Variants in ZNF398 observed in about 807,000 individuals in gnomAD.
ZNF398 encodes zinc finger DNA binding protein ZER6.
ZNF398 carries 18 observed loss-of-function variants against 41.9 expected under a neutral mutation model. That is an observed-to-expected ratio of 0.43 (90% confidence interval 0.30 to 0.64). ZNF398 has a LOEUF of 0.64. ZNF398 is among the 30% of genes least tolerant of loss of function. The probability of loss-of-function intolerance (pLI) is 0.14; values close to 1 mark genes in which losing one functional copy is unlikely to be tolerated. For missense variants in ZNF398, 669 were observed against 822.8 expected, an observed-to-expected ratio of 0.81 and a Z score of 2.29; for synonymous variants, 260 against 308.8, an observed-to-expected ratio of 0.84 and a Z score of 1.66.
chr7:149,146,587 G>C (rs1293193764), upstream of ZNF398, among the ~76,000 whole-genome samples: 10 of 151,766 alleles, frequency 6.6e-5, no homozygotes, highest in Middle Eastern at 3.4e-3. Context: ...AATGGCTCAC[G>C]CTTGTAATCC....
rs749554069 is a variant in ZNF398, at chr7:149,179,125, G to A, written c.1253G>A (p.Arg418Gln). ...CCATCAAGACTTACCTACCATCTTC[G>A]GGTCCATAACAGCACTGAGCGTCCT... ...THPSRLTYHL[R>Q]VHNSTERPFP... The change falls in exon 6 of 6, where the codon CGG becomes CAG. Residue 418 changes from arginine (R) to glutamine (Q), a missense_variant. This residue lies in a region of ZNF398 where 290 missense variants were observed against 292.9 expected (regional missense o/e 0.99). Transcript: ENST00000475153. This position sits in a 1 kb window ranked among gnomAD's most constrained non-coding sequence, Gnocchi z 6.1. The A allele has an allele frequency of 7.4e-6, 12 of 1,613,782 alleles. No individual in the cohort carries two copies. Among genetic ancestry groups the A allele is most frequent in the African/African-American group, 6.7e-5 (5 of 74,810 alleles).
upstream of ZNF398, among the ~76,000 whole-genome samples, chr7:149,144,391 G>C (rs992913873): frequency 1.3e-5 from 2 of 151,604 alleles, no homozygotes; most frequent in African/African-American, 4.8e-5. Flanking sequence ...GCTCACTGCA[G>C]CTTCAACCTC....
At chr7:149,166,511 C>T (rs1277742200) in intron 3 of ZNF398, among the ~76,000 whole-genome samples, 2 of 152,184 alleles carry the variant, frequency 1.3e-5, no homozygotes, top group Non-Finnish European at 2.9e-5. Context: ...GGTGTGACAG[C>T]TGGTGGTTTC....
At chr7:149,162,425 G>A (rs1006746666) in intron 2 of ZNF398, among the ~76,000 whole-genome samples, 20 of 152,150 alleles carry the variant, frequency 1.3e-4, no homozygotes, top group African/African-American at 4.8e-4. Context: ...CTCGTGATCC[G>A]CCCGCCTCGG....
chr7:149,126,482 C>A, exon 1 of ZNF398: 1 of 548,006 alleles, frequency 1.8e-6, no homozygotes, highest in Non-Finnish European at 3.1e-6. Flanking sequence ...TTTGAGGGAC[C>A]CTTGGACTCC....
At position 149,156,462 on chromosome 7, in the gene ZNF398, G is replaced by A. The variant is rs543377027; in HGVS notation, c.420+2122G>A. On this transcript the variant is annotated intron_variant, in intron 2 of 5. Coordinates refer to ENST00000475153, the MANE Select transcript of ZNF398 (RefSeq NM_170686.3). ...GGAGGTTGCAGTGAGCCGAGATCACGCCACTGCACTCCAGACCAGGCAACA... is the reference window on the plus strand; with the variant it reads ...GGAGGTTGCAGTGAGCCGAGATCACACCACTGCACTCCAGACCAGGCAACA... Among the ~76,000 whole-genome samples, 8 of 129,818 alleles carry A rather than the reference G, an allele frequency of 6.2e-5. No homozygotes were observed. In the East Asian group the frequency reaches 1.8e-3, roughly 29 times the overall value. The allele number at this position is 129,818 out of a possible 152,430, so 85.2% of individuals were successfully genotyped here.
intron 1 of ZNF398, among the ~76,000 whole-genome samples, chr7:149,152,571 T>C (rs901663590): frequency 5.9e-5 from 9 of 151,416 alleles, no homozygotes; most frequent in African/African-American, 1.9e-4. Context: ...GATTTCTTTT[T>C]TTTTTTTTTT....
chr7:149,141,979 C>T (rs957927220), intron 2 of ZNF398, among the ~76,000 whole-genome samples: 11 of 152,032 alleles, frequency 7.2e-5, no homozygotes, highest in Admixed American at 6.6e-4. Context: ...GACAGGGTCT[C>T]GCTTTGCCAC....
intron 4 of ZNF398, among the ~76,000 whole-genome samples, chr7:149,172,823 A>G (rs6943937): frequency 0.59 from 90,126 of 152,092 alleles, 28,229 homozygotes; most frequent in East Asian, 0.9. Context: ...AGTGAATATC[A>G]CAGTACAAGT....
intron 2 of ZNF398, among the ~76,000 whole-genome samples, chr7:149,140,448 C>G (rs551848917): frequency 7.6e-4 from 115 of 152,140 alleles, no homozygotes; most frequent in African/African-American, 2.5e-3. Flanking sequence ...GCAATGGCAC[C>G]ATCTCAGCTC....
intron 2 of ZNF398, among the ~76,000 whole-genome samples, chr7:149,139,772 G>A (rs967235830): frequency 2.6e-5 from 4 of 151,476 alleles, no homozygotes; most frequent in African/African-American, 9.7e-5. Flanking sequence ...TTGGGAGGCT[G>A]AGATGGAGGG....
At chr7:149,128,579 T>C (rs1206920872) in intron 1 of ZNF398, among the ~76,000 whole-genome samples, 1 of 151,694 alleles carries the variant, frequency 6.6e-6, no homozygotes, top group Admixed American at 6.6e-5. Flanking sequence ...AAACCCCATC[T>C]CTACAGAAAA....
intron 3 of ZNF398, 74 bp downstream of exon 3, chr7:149,166,358 C>T (rs1585532439): frequency 6.4e-7 from 1 of 1,566,108 alleles, no homozygotes; most frequent in East Asian, 2.3e-5. Context: ...CCTTTTCCTC[C>T]AGTGACCTCA....
chr7:149,172,072 A>G (rs548707251), intron 4 of ZNF398, among the ~76,000 whole-genome samples: 1 of 152,148 alleles, frequency 6.6e-6, no homozygotes, highest in South Asian at 2.1e-4. Context: ...TTGTACTACT[A>G]TACAAATGTT....
intron 2 of ZNF398, among the ~76,000 whole-genome samples, chr7:149,131,224 G>C (rs74498998): frequency 7.6e-4 from 115 of 152,234 alleles, no homozygotes; most frequent in African/African-American, 2.5e-3. Flanking sequence ...TTTTTATTTG[G>C]ATTTCCCTAG....
chr7:149,171,348 A>G (rs2129521464), intron 4 of ZNF398, among the ~76,000 whole-genome samples: 1 of 151,888 alleles, frequency 6.6e-6, no homozygotes, highest in East Asian at 1.9e-4. Flanking sequence ...CTTTTTCTAT[A>G]ACTTTTTCCT....
chr7:149,152,720 G>A (rs1378685221), intron 1 of ZNF398, among the ~76,000 whole-genome samples: 3 of 151,790 alleles, frequency 2.0e-5, no homozygotes, highest in African/African-American at 4.8e-5. Context: ...CATCTGCCAC[G>A]ATGGCCGGCT....
At chr7:149,146,944 G>A (rs1164321756), upstream of ZNF398, among the ~76,000 whole-genome samples, 1 of 152,044 alleles carries the variant, frequency 6.6e-6, no homozygotes, top group East Asian at 1.9e-4. Flanking sequence ...AAATATTATT[G>A]ATCCCAACAC....
At chr7:149,175,914 G>C (rs1479679417) in intron 4 of ZNF398, among the ~76,000 whole-genome samples, 1 of 152,076 alleles carries the variant, frequency 6.6e-6, no homozygotes, top group Non-Finnish European at 1.5e-5. Context: ...TTGAACTCTT[G>C]ACCTCAAATG....
Sources: allele counts gnomAD v4.1 joint callset (sites outside exome capture counted in the v4.1 genomes callset), GRCh38; gene constraint gnomAD v4.1.1; regional missense constraint gnomAD v4.1.1; non-coding constraint Gnocchi (gnomAD v3.1); transcripts MANE v1.5; gene names NCBI Gene and HGNC (gene_info 2026-07-23, HGNC 2026-07-21).